ZNF385D: variants seen among roughly 807,000 people sequenced by gnomAD.
ZNF385D encodes zinc finger protein 385D.
ZNF385D carries 15 observed loss-of-function variants against 35.8 expected under a neutral mutation model. The observed-to-expected ratio is 0.42, with a 90% CI of 0.28 to 0.64. ZNF385D has a LOEUF of 0.64. Among genes scored for constraint, ZNF385D ranks in the 30% least tolerant of loss-of-function variants. ZNF385D has a pLI of 0.23. For missense variants in ZNF385D, 474 were observed against 494.6 expected, an observed-to-expected ratio of 0.96 and a Z score of 0.39; for synonymous variants, 212 against 186.8, an observed-to-expected ratio of 1.13 and a Z score of -1.10.
At chr3:21,813,036 A>G (rs2073000294) in intron 3 of ZNF385D, among the ~76,000 whole-genome samples, 1 of 152,198 alleles carries the variant, frequency 6.6e-6, no homozygotes, top group Non-Finnish European at 1.5e-5. Context: ...GCTGTTCTGC[A>G]ATATTTGCTG....
At chr3:21,725,151 T>C (rs562555369) in intron 1 of ZNF385D, among the ~76,000 whole-genome samples, 80 of 152,230 alleles carry the variant, frequency 5.3e-4, no homozygotes, top group African/African-American at 1.8e-3. Flanking sequence ...AAAGACACGA[T>C]GTACCAGAAT....
chr3:21,602,633 C>T lies in ZNF385D; in HGVS notation c.166-37949G>A, dbSNP rs894725791. Among the ~76,000 whole-genome samples, 72 of 148,098 alleles carry T rather than the reference C, an allele frequency of 4.9e-4. 1 individual carries two copies. The highest frequency in any genetic ancestry group is 1.3e-3 in the African/African-American group (51 of 39,862). On this transcript the variant is annotated intron_variant, in intron 2 of 7. Transcript: ENST00000281523. The stretch of plus-strand genomic sequence containing the variant: ...CTGCAAGCTCCGCTTCCCGGGTTCA[C>T]GCCATTCTCCTGCCTCAGCCTCCCG...
chr3:22,167,190 T>C (rs57986611), intron 3 of ZNF385D, among the ~76,000 whole-genome samples: 10,160 of 152,216 alleles, frequency 0.067, 879 homozygotes, highest in African/African-American at 0.2. Context: ...TCTGGTGTGC[T>C]TTCCTCTGAT....
chr3:21,531,341 G>A (rs1385489215), intron 3 of ZNF385D, among the ~76,000 whole-genome samples: 1 of 152,168 alleles, frequency 6.6e-6, no homozygotes, highest in Non-Finnish European at 1.5e-5. Context: ...TTGGAAGACA[G>A]TTTGTCAATT....
intron 3 of ZNF385D, among the ~76,000 whole-genome samples, chr3:22,076,340 GTC>G (rs1433269017): frequency 5.3e-5 from 8 of 151,850 alleles, no homozygotes; most frequent in African/African-American, 1.9e-4. Flanking sequence ...CTTCGGTCCA[GTC>G]TCTCTGGTTT....
In ZNF385D at chr3:21,852,270, A is replaced by C. The variant is rs116368645; in HGVS notation, c.326-187242T>G. ...TTGGGTTGCACATCTCTAAGGAATA[A>C]GATTCCTTATTCCTTAAGGAATGAG... On this transcript the variant is annotated intron_variant, in intron 3 of 5. Transcript: ENST00000494108. Among the ~76,000 whole-genome samples the C allele has an allele frequency of 4.8e-3, 737 of 152,042 alleles. 6 individuals are homozygous for C. Among genetic ancestry groups the C allele is most frequent in the African/African-American group, 0.017 (717 of 41,518 alleles).
At chr3:22,270,714 T>TA (rs1191219310) in intron 2 of ZNF385D, among the ~76,000 whole-genome samples, 2 of 152,036 alleles carry the variant, frequency 1.3e-5, no homozygotes, top group African/African-American at 4.8e-5. Context: ...TGCTTTTTTT[T>TA]ACTGATAGAG....
chr3:21,802,349 A>C (rs956498869), intron 3 of ZNF385D, among the ~76,000 whole-genome samples: 2 of 152,082 alleles, frequency 1.3e-5, no homozygotes, highest in African/African-American at 4.8e-5. Context: ...ATTTAATATT[A>C]CCCTTTTGGA....
chr3:21,653,059 A>G (rs1277748026), intron 2 of ZNF385D, among the ~76,000 whole-genome samples: 2 of 152,086 alleles, frequency 1.3e-5, no homozygotes, highest in Admixed American at 6.6e-5. Context: ...TGTATTGTAA[A>G]TTAATTTCAA....
chr3:22,268,190 T>G (rs1210309366), intron 2 of ZNF385D, among the ~76,000 whole-genome samples: 1 of 151,922 alleles, frequency 6.6e-6, no homozygotes, highest in African/African-American at 2.4e-5. Flanking sequence ...ACCCCAGCTG[T>G]CCAACATAAG....
At chr3:21,526,739 C>T (rs1156395514) in intron 3 of ZNF385D, among the ~76,000 whole-genome samples, 2 of 152,252 alleles carry the variant, frequency 1.3e-5, no homozygotes, top group African/African-American at 2.4e-5. Flanking sequence ...AATTCATTCA[C>T]TGGAACAATA....
intron 2 of ZNF385D, among the ~76,000 whole-genome samples, chr3:22,343,406 G>A (rs1054518849): frequency 6.6e-6 from 1 of 152,192 alleles, no homozygotes; most frequent in Non-Finnish European, 1.5e-5. Flanking sequence ...CTTCAGTTCA[G>A]CCAGCCAGAG....
chr3:21,818,875 AG>A (rs1469583648), intron 3 of ZNF385D, among the ~76,000 whole-genome samples: 1 of 152,068 alleles, frequency 6.6e-6, no homozygotes, highest in Non-Finnish European at 1.5e-5. Context: ...TTAAAGATGA[AG>A]AAATGAGCAA....
intron 2 of ZNF385D, among the ~76,000 whole-genome samples, chr3:22,246,298 GGCAC>G (rs1699778380): frequency 6.6e-6 from 1 of 152,052 alleles, no homozygotes; most frequent in Non-Finnish European, 1.5e-5. Flanking sequence ...TTAGAAGGAT[GGCAC>G]GCAAATTTTT....
chr3:22,316,196 G>A (rs925924606), intron 2 of ZNF385D, among the ~76,000 whole-genome samples: 1 of 152,146 alleles, frequency 6.6e-6, no homozygotes, highest in Admixed American at 6.5e-5. Flanking sequence ...AAAGCAATCA[G>A]CAGCACACAT....
At chr3:22,141,066 G>A (rs1190953099) in intron 3 of ZNF385D, among the ~76,000 whole-genome samples, 1 of 152,146 alleles carries the variant, frequency 6.6e-6, no homozygotes, top group Non-Finnish European at 1.5e-5. Context: ...GAGATTAAGA[G>A]ATTTACTGTA....
intron 3 of ZNF385D, among the ~76,000 whole-genome samples, chr3:22,047,985 C>A (rs1254571365): frequency 2.0e-5 from 3 of 152,080 alleles, no homozygotes; most frequent in African/African-American, 7.2e-5. Flanking sequence ...ATTTGCATTT[C>A]CCTGATGATT....
At chr3:21,952,053 C>A (rs370589384) in intron 3 of ZNF385D, among the ~76,000 whole-genome samples, 2 of 151,872 alleles carry the variant, frequency 1.3e-5, no homozygotes, top group East Asian at 1.9e-4. Context: ...GAGCAAAGAA[C>A]AATGGGACTC....
At chr3:21,990,432 T>C (rs1234417053) in intron 3 of ZNF385D, among the ~76,000 whole-genome samples, 1 of 152,222 alleles carries the variant, frequency 6.6e-6, no homozygotes, top group Non-Finnish European at 1.5e-5. Context: ...GCTCATAATA[T>C]TGCCTGTGCC....
Sources: gnomAD v4.1 joint callset for allele counts (sites outside exome capture counted in the v4.1 genomes callset) on GRCh38, gnomAD v4.1.1 for gene constraint, MANE v1.5 for transcripts, NCBI Gene and HGNC (gene_info 2026-07-23, HGNC 2026-07-21) for gene names.